ABCB4: variants seen among roughly 807,000 people sequenced by gnomAD.
ABCB4 encodes ATP binding cassette subfamily B member 4.
A neutral mutation model predicts 145.7 loss-of-function variants in ABCB4; 76 were observed. That is an observed-to-expected ratio of 0.52 (90% confidence interval 0.43 to 0.63). ABCB4 has a LOEUF of 0.63. ABCB4 is among the 30% of genes least tolerant of loss of function. The probability of loss-of-function intolerance (pLI) is 0.00; values close to 1 mark genes in which losing one functional copy is unlikely to be tolerated. For missense variants in ABCB4, 1,234 were observed against 1,553.1 expected (o/e 0.79, Z 3.45); for synonymous variants, 517 against 566.8 (o/e 0.91, Z 1.25).
intron 18 of ABCB4, 152 bp from the exon 19 acceptor site, chr7:87,420,227 A>G: frequency 1.4e-6 from 1 of 724,074 alleles, no homozygotes; most frequent in Admixed American, 2.1e-5. Flanking sequence ...GCAGCCCCAG[A>G]TGAATCAAGC....
chr7:87,467,825 T>C (rs577145010), intron 3 of ABCB4, among the ~76,000 whole-genome samples: 21 of 152,244 alleles, frequency 1.4e-4, no homozygotes, highest in Non-Finnish European at 2.9e-4. Flanking sequence ...AAGGCAGAAA[T>C]AAAGATGTTC....
intron 6 of ABCB4, among the ~76,000 whole-genome samples, chr7:87,452,117 T>A (rs1259331437): frequency 6.6e-6 from 1 of 152,198 alleles, no homozygotes; most frequent in East Asian, 1.9e-4. Context: ...GCAACAATAA[T>A]AAGCAACAGT....
the ABCB4 span, among the ~76,000 whole-genome samples, chr7:87,370,670 A>G: frequency 6.6e-6 from 1 of 152,230 alleles, no homozygotes; most frequent in Non-Finnish European, 1.5e-5. Flanking sequence ...AAATTAGAAC[A>G]TTTCTAATAC....
Position 87,409,241 on chromosome 7 carries a change from T to C in ABCB4, c.3076A>G (p.Lys1026Glu), listed in dbSNP as rs1808428491. 2 of 1,613,956 alleles carry C rather than the reference T, an allele frequency of 1.2e-6. No homozygotes were observed. The highest frequency in any genetic ancestry group is 2.7e-5 in the African/African-American group (2 of 74,924). Reference protein sequence around the residue: ...LIDSYSEEGLKPDKFEGNITF... With the variant: ...LIDSYSEEGLEPDKFEGNITF... ...TCAGGCATCAGAGAACTTACAGGCT[T>C]CAGCCCCTCTTCACTGTAGCTGTCA... is the stretch of plus-strand genomic sequence containing the variant. Residue 1026 changes from lysine to glutamate, a missense_variant, in exon 24 of 28, where the codon AAG becomes GAG. Lys to Glu is a moderately conservative substitution (Grantham distance 56). Coordinates refer to ENST00000649586, the MANE Select transcript of ABCB4 (RefSeq NM_000443.4).
At chr7:87,464,678 T>C (rs1812725386) in intron 3 of ABCB4, among the ~76,000 whole-genome samples, 1 of 152,220 alleles carries the variant, frequency 6.6e-6, no homozygotes, top group Non-Finnish European at 1.5e-5. Context: ...TTCTAACTCC[T>C]GTTAGAGCAC....
chr7:87,384,429 G>T, the ABCB4 span, among the ~76,000 whole-genome samples: 2 of 152,166 alleles, frequency 1.3e-5, no homozygotes, highest in Non-Finnish European at 2.9e-5. Context: ...CTACTCAGGA[G>T]GCTGAGGCAC....
intron 11 of ABCB4, 21 bp from the exon 12 acceptor site, chr7:87,443,465 A>G (rs757879120): frequency 1.7e-5 from 27 of 1,614,108 alleles, no homozygotes; most frequent in Non-Finnish European, 1.9e-5. Context: ...AATGAGAAAA[A>G]AGAACACACT....
chr7:87,379,697 C>A, the ABCB4 span, among the ~76,000 whole-genome samples: 2 of 152,314 alleles, frequency 1.3e-5, no homozygotes, highest in South Asian at 4.1e-4. Context: ...TGCATATATT[C>A]ATAAAATTGA....
At chr7:87,378,758 C>G in the ABCB4 span, among the ~76,000 whole-genome samples, 1 of 152,174 alleles carries the variant, frequency 6.6e-6, no homozygotes, top group African/African-American at 2.4e-5. Context: ...TGAGCTTGGC[C>G]TGGGTCACAT....
intron 3 of ABCB4, among the ~76,000 whole-genome samples, chr7:87,469,789 C>T (rs1368431190): frequency 1.3e-5 from 2 of 152,202 alleles, no homozygotes; most frequent in East Asian, 3.8e-4. Flanking sequence ...AATGGCCATA[C>T]TGCCCAAGGT....
chr7:87,408,256 G>T, intron 24 of ABCB4, 22 bp from the exon 25 acceptor site: 2 of 1,605,968 alleles, frequency 1.2e-6, no homozygotes, highest in Non-Finnish European at 8.5e-7. Flanking sequence ...TTTAAATGTT[G>T]CTATTATAAT....
At chr7:87,382,094 T>C in the ABCB4 span, 1 of 1,613,080 alleles carries the variant, frequency 6.2e-7, no homozygotes, top group Non-Finnish European at 8.5e-7. Flanking sequence ...AGGTACGAGA[T>C]ATACCACTTC....
chr7:87,384,794 G>C, the ABCB4 span, among the ~76,000 whole-genome samples: 1 of 152,182 alleles, frequency 6.6e-6, no homozygotes, highest in South Asian at 2.1e-4. Context: ...GCCCAGTTCA[G>C]TGTCTTACAG....
the ABCB4 span, chr7:87,375,585 A>C: frequency 7.1e-7 from 1 of 1,405,196 alleles, no homozygotes; most frequent in South Asian, 1.2e-5. Context: ...CAAAGTAGTT[A>C]CTTTCTGCCT....
At position 87,469,905 on chromosome 7, in the gene ABCB4, T is replaced by C. The variant is rs149222159; in HGVS notation, c.135+2716A>G. Among the ~76,000 whole-genome samples, 502 of 152,308 alleles carry C rather than the reference T, an allele frequency of 3.3e-3. 2 individuals carry two copies. The highest frequency in any genetic ancestry group is 0.011 in the African/African-American group (470 of 41,564). On this transcript the variant is annotated intron_variant, in intron 3 of 27. Transcript: ENST00000649586. Reference sequence around the variant, plus strand: ...TATGGAACCAAAAAAGAGCCTGCATTGGCAAGTCAATCCTAAGCTAAAAGA... The same window carrying C: ...TATGGAACCAAAAAAGAGCCTGCATCGGCAAGTCAATCCTAAGCTAAAAGA...
chr7:87,455,063 T>C (rs1435365913), intron 4 of ABCB4, among the ~76,000 whole-genome samples: 1 of 152,066 alleles, frequency 6.6e-6, no homozygotes, highest in African/African-American at 2.4e-5. Context: ...TATCTGTGTG[T>C]TTTTTCTTTA....
In ABCB4 at chr7:87,452,165, G is replaced by A. The variant is rs140254455; in HGVS notation, c.537-371C>T. Among the ~76,000 whole-genome samples the A allele has an allele frequency of 3.6e-4, 55 of 152,270 alleles. No homozygotes were observed. The Middle Eastern group carries it at 0.014, about 38-fold the overall frequency. On this transcript the variant is annotated intron_variant, in intron 6 of 27. Coordinates refer to ENST00000649586, the MANE Select transcript of ABCB4 (RefSeq NM_000443.4). ...TTACTGCATTTCTTCTTATAGGGAAGTAATAGGGAAGAGATCTTTGCTTCT... is the reference window on the plus strand; with the variant it reads ...TTACTGCATTTCTTCTTATAGGGAAATAATAGGGAAGAGATCTTTGCTTCT...
At chr7:87,429,845 T>C (rs1302157821) in intron 15 of ABCB4, among the ~76,000 whole-genome samples, 1 of 151,894 alleles carries the variant, frequency 6.6e-6, no homozygotes, top group African/African-American at 2.4e-5. Flanking sequence ...TATTTTCATT[T>C]GGGGGAATTT....
At chr7:87,461,081 G>T (rs978273265) in intron 4 of ABCB4, among the ~76,000 whole-genome samples, 3 of 152,080 alleles carry the variant, frequency 2.0e-5, no homozygotes, top group Admixed American at 2.0e-4. Flanking sequence ...GAGTAGCTGG[G>T]ATTACAGGCA....
Sources: allele counts gnomAD v4.1 joint callset (sites outside exome capture counted in the v4.1 genomes callset), GRCh38; gene constraint gnomAD v4.1.1; transcripts MANE v1.5; gene names NCBI Gene and HGNC (gene_info 2026-07-23, HGNC 2026-07-21).